The following TACC1 variants were observed in gnomAD, a reference collection of about 807,000 sequenced individuals.
TACC1 encodes the protein transforming acidic coiled-coil-containing protein 1.
In TACC1, 48 loss-of-function variants were observed where a neutral mutation model predicts 84.4. The ratio of observed to expected loss-of-function variants is 0.57; its 90% CI spans 0.45 to 0.72. The LOEUF (loss-of-function observed/expected upper bound fraction) is 0.72. TACC1 is among the 30% of genes least tolerant of loss of function. The pLI is 0.00. For synonymous variants in TACC1, 372 were observed against 376.3 expected, an observed-to-expected ratio of 0.99 and a Z score of 0.13; for missense variants, 920 against 973.0, an observed-to-expected ratio of 0.95 and a Z score of 0.72.
At chr8:38,825,572 T>A (rs2152252489) in intron 4 of TACC1, among the ~76,000 whole-genome samples, 1 of 152,300 alleles carries the variant, frequency 6.6e-6, no homozygotes, top group Non-Finnish European at 1.5e-5. Flanking sequence ...CTCTTTTTTT[T>A]TTTTGGTAAA....
chr8:38,764,240 G>C (rs879394401), intron 3 of TACC1, among the ~76,000 whole-genome samples: 3 of 151,966 alleles, frequency 2.0e-5, no homozygotes, highest in African/African-American at 7.3e-5. Context: ...ACCATGCCCA[G>C]CTAATTTTTG....
At chr8:38,736,689 A>G (rs1806029086) in intron 1 of TACC1, among the ~76,000 whole-genome samples, 1 of 152,204 alleles carries the variant, frequency 6.6e-6, no homozygotes, top group Admixed American at 6.5e-5. Flanking sequence ...TGAAGTCATT[A>G]TTCAGCCTCT....
chr8:38,767,967 C>T lies in TACC1; in HGVS notation c.27-20737C>T, dbSNP rs551749497. On this transcript the variant is annotated intron_variant, in intron 3 of 14. Coordinates refer to the TACC1 transcript ENST00000518415. ...CCTGTGGTCCCAGCTACTTGGGAGG[C>T]GGAGGCGGGAGGATCTCTTGAGCCC... Among the ~76,000 whole-genome samples, 94 of 151,958 alleles carry T rather than the reference C, an allele frequency of 6.2e-4. 1 individual carries two copies. Among genetic ancestry groups the T allele is most frequent in the African/African-American group, 2.2e-3 (90 of 41,426 alleles).
rs192317499 is a variant in TACC1, at chr8:38,807,272, G to A, written c.278-12250G>A. Among the ~76,000 whole-genome samples, 9 of 152,242 alleles carry A rather than the reference G, an allele frequency of 5.9e-5. 1 individual carries two copies. In the East Asian group the frequency reaches 1.7e-3, roughly 29 times the overall value. ...ATTCCCATCTTCTAATCATGCATTT[G>A]GTCTTTCTGGTCGTCAGCCCCCATC... On this transcript the variant is annotated intron_variant, in intron 2 of 12. Coordinates refer to ENST00000317827, the MANE Select transcript of TACC1 (RefSeq NM_006283.3).
intron 2 of TACC1, among the ~76,000 whole-genome samples, chr8:38,795,424 C>T (rs781355079): frequency 6.6e-6 from 1 of 152,238 alleles, no homozygotes; most frequent in Non-Finnish European, 1.5e-5. Context: ...TACTTTGGTA[C>T]TTGCGGGTGG....
At chr8:38,779,579 G>T (rs1815528973) in intron 3 of TACC1, among the ~76,000 whole-genome samples, 1 of 152,228 alleles carries the variant, frequency 6.6e-6, no homozygotes, top group Non-Finnish European at 1.5e-5. Flanking sequence ...TTATACTGAA[G>T]AATTTTATAT....
Position 38,775,508 on chromosome 8 carries a change from T to C in TACC1, c.27-13196T>C, listed in dbSNP as rs115187096. Among the ~76,000 whole-genome samples the C allele has an allele frequency of 5.0e-3, 757 of 152,284 alleles. 9 individuals are homozygous for C. The highest frequency in any genetic ancestry group is 0.017 in the African/African-American group (713 of 41,568). The stretch of plus-strand genomic sequence containing the variant: ...TTAAGGGACCAGCAGATTCCACATC[T>C]GGTGAAGGCTGACCTCCTGGATGTC... On this transcript the variant is annotated intron_variant, in intron 3 of 14. Coordinates refer to the TACC1 transcript ENST00000518415.
At position 38,788,943 on chromosome 8, in the gene TACC1, T is replaced by G. The variant is rs566654806; in HGVS notation, c.277+124T>G. ...GAGAGTTTGACTAAGAAAGAGCTGT[T>G]TGAAACCTCCTGGCTTATGTATTTT... On this transcript the variant is annotated intron_variant, in intron 2 of 12. Transcript: ENST00000317827. 9.5e-6 allele frequency: 7 copies of G among 737,868 alleles called. No homozygotes were observed. In the East Asian group the frequency reaches 1.9e-4, roughly 20 times the overall value. 45.7% of individuals were successfully genotyped at this position (737,868 alleles called of 1,614,324 possible).
In TACC1 at chr8:38,797,901, G is replaced by A. The variant is rs145430321; in HGVS notation, c.277+9082G>A. On this transcript the variant is annotated intron_variant, in intron 2 of 12. Transcript: ENST00000317827. The stretch of plus-strand genomic sequence containing the variant: ...TCTATGATTTCTGTCTGTGGAAGGG[G>A]ATTTCTACTCTGTCTAAAATATAAC... Among the ~76,000 whole-genome samples the A allele has an allele frequency of 2.0e-4, 30 of 152,266 alleles. 1 individual carries two copies. The East Asian group carries it at 5.0e-3, about 25-fold the overall frequency.
chr8:38,823,712 T>C (rs1827387488), intron 3 of TACC1, among the ~76,000 whole-genome samples: 1 of 152,048 alleles, frequency 6.6e-6, no homozygotes, highest in African/African-American at 2.4e-5. Flanking sequence ...AAGAAAGGAG[T>C]GCTAGACCTC....
At chr8:38,756,301 T>G (rs944122941) in intron 3 of TACC1, among the ~76,000 whole-genome samples, 4 of 151,922 alleles carry the variant, frequency 2.6e-5, no homozygotes, top group Admixed American at 1.3e-4. Flanking sequence ...TTCCCTGTCT[T>G]CATGGAGCTT....
rs193249981 is a variant in TACC1 at position 38,819,878 on chromosome 8, G to C, written c.634G>C (p.Asp212His). ...GVTLEASAEA[D>H]LKAGNSCPEL... The stretch of plus-strand genomic sequence containing the variant: ...CACCCTCGAGGCCTCCGCAGAAGCT[G>C]ATCTAAAAGCTGGCAACTCCTGTCC... The change falls in exon 3 of 13, where the codon GAT becomes CAT. Residue 212 changes from aspartate to histidine, a missense_variant. Coordinates refer to ENST00000317827, the MANE Select transcript of TACC1 (RefSeq NM_006283.3). 3 of 1,614,000 alleles carry C rather than the reference G, an allele frequency of 1.9e-6. No individual in the cohort carries two copies. The East Asian group carries it at 6.7e-5, about 36-fold the overall frequency.
intron 3 of TACC1, among the ~76,000 whole-genome samples, chr8:38,746,685 A>G (rs1808147008): frequency 6.6e-6 from 1 of 152,186 alleles, no homozygotes; most frequent in African/African-American, 2.4e-5. Context: ...TGAATTTTCT[A>G]CTTAAGAAAT....
Position 38,746,230 on chromosome 8 carries a change from A to C in TACC1, c.26+737A>C, listed in dbSNP as rs78390945. 1.9e-4 allele frequency among the ~76,000 whole-genome samples: 29 copies of C among 152,376 alleles called. No individual in the cohort carries two copies. The East Asian group carries it at 5.6e-3, about 29-fold the overall frequency. Reference sequence around the variant, plus strand: ...CTTGTTTTTGATTAATCGAAATCTCAGCACAGAAATGGGACATTTCATCAG... The same window carrying C: ...CTTGTTTTTGATTAATCGAAATCTCCGCACAGAAATGGGACATTTCATCAG... On this transcript the variant is annotated intron_variant, in intron 3 of 14. Coordinates refer to the TACC1 transcript ENST00000518415.
In TACC1 at chr8:38,850,455, G is replaced by T. The variant is rs578238191; in HGVS notation, c.*2432G>T. On this transcript the variant is annotated 3_prime_UTR_variant, in exon 13 of 13. Coordinates refer to ENST00000317827, the MANE Select transcript of TACC1 (RefSeq NM_006283.3). ...TAGAGTTTGCCTCAACACATGTGAGGGCCAAATAACCTGCTAGCTAGGCAG... is the reference window on the plus strand; with the variant it reads ...TAGAGTTTGCCTCAACACATGTGAGTGCCAAATAACCTGCTAGCTAGGCAG... 6.6e-6 allele frequency: 1 copy of T among 152,188 alleles called. No individual in the cohort carries two copies. Among genetic ancestry groups the T allele is most frequent in the East Asian group, 1.9e-4 (1 of 5,190 alleles). 9.4% of individuals were successfully genotyped at this position (152,188 alleles called of 1,614,324 possible). A position where few individuals can be genotyped will look rare whatever the true frequency, so the allele number is the denominator to read the frequency against.
At chr8:38,822,128 C>T (rs1295950935) in intron 3 of TACC1, among the ~76,000 whole-genome samples, 1 of 151,252 alleles carries the variant, frequency 6.6e-6, no homozygotes, top group African/African-American at 2.4e-5. Flanking sequence ...GCCTGTAGAC[C>T]CAGCTACTCA....
At chr8:38,772,785 A>C (rs116569016) in intron 3 of TACC1, among the ~76,000 whole-genome samples, 4,328 of 152,148 alleles carry the variant, frequency 0.028, 186 homozygotes, top group African/African-American at 0.092. Flanking sequence ...GTGTTGATTT[A>C]AATATTACTA....
chr8:38,817,154 G>A (rs991776599), intron 2 of TACC1, among the ~76,000 whole-genome samples: 2 of 152,162 alleles, frequency 1.3e-5, no homozygotes, highest in African/African-American at 4.8e-5. Context: ...CTTAAAAGGA[G>A]TGATAACTAT....
At chr8:38,799,210 A>G (rs1397285077) in intron 2 of TACC1, among the ~76,000 whole-genome samples, 1 of 152,228 alleles carries the variant, frequency 6.6e-6, no homozygotes, top group Non-Finnish European at 1.5e-5. Flanking sequence ...CAAAGGGCCA[A>G]GGGAAGAGCT....
Sources: gnomAD v4.1 joint callset for allele counts (sites outside exome capture counted in the v4.1 genomes callset) on GRCh38, gnomAD v4.1.1 for gene constraint, MANE v1.5 for transcripts, NCBI Gene and HGNC (gene_info 2026-07-23, HGNC 2026-07-21) for gene names.